Variants in THOC7 observed in about 807,000 individuals in gnomAD.
THOC7 encodes the protein THO complex subunit 7, also known as NIF3L1-binding protein 1.
A neutral mutation model predicts 33.1 loss-of-function variants in THOC7; 22 were observed. The observed-to-expected ratio is 0.66, with a 90% CI of 0.47 to 0.95. The LOEUF is 0.95. Among genes scored for constraint, THOC7 ranks in the 40% least tolerant of loss-of-function variants. The pLI, the probability that THOC7 is intolerant of heterozygous loss-of-function variation, is 0.00. For synonymous variants in THOC7, 77 were observed against 76.8 expected, an observed-to-expected ratio of 1.00 and a Z score of -0.01; for missense variants, 184 against 245.3, an observed-to-expected ratio of 0.75 and a Z score of 1.67.
chr3:63,854,497 T>C (rs1702075817), intron 1 of THOC7: 1 of 152,218 alleles, frequency 6.6e-6, no homozygotes, highest in South Asian at 2.1e-4. Flanking sequence ...GCTTAGCAGA[T>C]TTTTTGTTAT....
chr3:63,860,902 A>G (rs1480231149), intron 1 of THOC7: 2 of 152,204 alleles, frequency 1.3e-5, no homozygotes, highest in Non-Finnish European at 2.9e-5. Context: ...TAGGAAAGAA[A>G]AGAGGGGATT....
intron 1 of THOC7, among the ~76,000 whole-genome samples, chr3:63,850,193 C>G (rs897197617): frequency 6.6e-6 from 1 of 151,966 alleles, no homozygotes. Context: ...TTGGGACTGC[C>G]GGCTTTTATT....
At chr3:63,834,996 C>G (rs1046396515) in intron 7 of THOC7, among the ~76,000 whole-genome samples, 158 bp downstream of exon 7, 1 of 152,092 alleles carries the variant, frequency 6.6e-6, no homozygotes, top group Non-Finnish European at 1.5e-5. Flanking sequence ...TACATGTATT[C>G]AAGAAAGTTG....
chr3:63,838,214 T>C (rs1462612087), intron 3 of THOC7, 152 bp from the exon 4 acceptor site: 1 of 900,940 alleles, frequency 1.1e-6, no homozygotes. Context: ...TATATCATCT[T>C]AGAATACACA....
At chr3:63,844,598 G>A (rs1701846397) in intron 1 of THOC7, among the ~76,000 whole-genome samples, 1 of 152,212 alleles carries the variant, frequency 6.6e-6, no homozygotes, top group African/African-American at 2.4e-5. Context: ...CATTAGGACT[G>A]TGCCCTGATG....
intron 1 of THOC7, among the ~76,000 whole-genome samples, chr3:63,843,308 G>C (rs1449766364): frequency 6.6e-6 from 1 of 151,486 alleles, no homozygotes; most frequent in Non-Finnish European, 1.5e-5. Flanking sequence ...AGTAGAGATG[G>C]GGTTTAACCA....
rs1701574320 is a variant in THOC7 at position 63,834,063 on chromosome 3, C to T, written c.*69G>A. ...AACTTTAAATATCTCAAGAGCATAC[C>T]ACATTTTAAACACATTATGGTCATG... On this transcript the variant is annotated 3_prime_UTR_variant, in exon 8 of 8. Transcript: ENST00000295899. The T allele has an allele frequency of 4.0e-6, 6 of 1,500,908 alleles. No individual in the cohort carries two copies. The highest frequency in any genetic ancestry group is 1.8e-5 in the Admixed American group (1 of 54,788). 93.0% of individuals were successfully genotyped at this position (1,500,908 alleles called of 1,614,324 possible). A position where few individuals can be genotyped will look rare whatever the true frequency, so the allele number is the denominator to read the frequency against.
At chr3:63,838,273 GTTA>G (rs1701675311) in intron 3 of THOC7, 96 bp downstream of exon 3, 1 of 988,126 alleles carries the variant, frequency 1.0e-6, no homozygotes, top group South Asian at 1.8e-5. Flanking sequence ...TACAGTAATT[GTTA>G]TTATTCTTTT....
chr3:63,848,120 T>C (rs1701939928), intron 1 of THOC7, among the ~76,000 whole-genome samples: 2 of 152,226 alleles, frequency 1.3e-5, no homozygotes, highest in South Asian at 4.1e-4. Flanking sequence ...ATTTCTTTGA[T>C]GTATTTAAAA....
At chr3:63,836,774 C>T (rs189789991) in intron 4 of THOC7, among the ~76,000 whole-genome samples, 17 of 151,948 alleles carry the variant, frequency 1.1e-4, no homozygotes, top group Admixed American at 3.3e-4. Context: ...CAGCAAATTA[C>T]ACTTCTCACT....
intron 4 of THOC7, 101 bp from the exon 5 acceptor site, chr3:63,836,459 G>A: frequency 9.4e-7 from 1 of 1,064,418 alleles, no homozygotes; most frequent in African/African-American, 1.6e-5. Context: ...CACTTTCCTA[G>A]TACATCAAGA....
intron 1 of THOC7, among the ~76,000 whole-genome samples, chr3:63,846,901 T>C (rs1701909837): frequency 6.6e-6 from 1 of 152,096 alleles, no homozygotes; most frequent in African/African-American, 2.4e-5. Context: ...AAATTACAGT[T>C]TGAAAAGCCA....
At chr3:63,855,121 T>C (rs1051747593) in intron 1 of THOC7, among the ~76,000 whole-genome samples, 1 of 152,150 alleles carries the variant, frequency 6.6e-6, no homozygotes, top group African/African-American at 2.4e-5. Context: ...GGGCATGAGA[T>C]ACATATTTGC....
intron 1 of THOC7, among the ~76,000 whole-genome samples, chr3:63,847,352 GTTAA>G (rs1250903364): frequency 6.6e-6 from 1 of 152,168 alleles, no homozygotes; most frequent in Non-Finnish European, 1.5e-5. Context: ...GTTGTCCACA[GTTAA>G]TTGTTTTGGT....
At chr3:63,838,223 C>A in intron 3 of THOC7, 149 bp downstream of exon 3, 1 of 895,954 alleles carries the variant, frequency 1.1e-6, no homozygotes. Context: ...TTAGAATACA[C>A]ATTTTTTATA....
rs547656275 is a variant in THOC7, at chr3:63,860,467, C to T, written c.19+3305G>A. 3.3e-5 allele frequency among the ~76,000 whole-genome samples: 5 copies of T among 152,294 alleles called. No individual in the cohort carries two copies. In the South Asian group the frequency reaches 1.0e-3, roughly 32 times the overall value. ...CTGAAAAGAGGTTAAGGATATGACA[C>T]TGGCTTTCATTTATAAAGACCTCAA... On this transcript the variant is annotated intron_variant, in intron 1 of 7. Coordinates refer to ENST00000295899, the MANE Select transcript of THOC7 (RefSeq NM_025075.4).
In THOC7 at chr3:63,834,080, A is replaced by G. The variant is rs968072247; in HGVS notation, c.*52T>C. The G allele has an allele frequency of 3.8e-6, 6 of 1,573,872 alleles. No homozygotes were observed. The highest frequency in any genetic ancestry group is 3.4e-5 in the Admixed American group (2 of 59,360). ...GAGCATACCACATTTTAAACACATTATGGTCATGTAGCTATTTCAATATTC... is the reference window on the plus strand; with the variant it reads ...GAGCATACCACATTTTAAACACATTGTGGTCATGTAGCTATTTCAATATTC... On this transcript the variant is annotated 3_prime_UTR_variant, in exon 8 of 8. Transcript: ENST00000295899.
chr3:63,864,211 G>A (rs1488611980), upstream of THOC7, among the ~76,000 whole-genome samples: 1 of 149,968 alleles, frequency 6.7e-6, no homozygotes, highest in African/African-American at 2.4e-5. Context: ...GGAGCTGCGG[G>A]CCGCCCGCAG....
intron 1 of THOC7, among the ~76,000 whole-genome samples, chr3:63,840,448 G>T (rs1028090101): frequency 2.0e-5 from 3 of 152,026 alleles, no homozygotes; most frequent in Non-Finnish European, 4.4e-5. Context: ...AAATTAGCTG[G>T]GTGTGGTGGC....
Sources: allele counts gnomAD v4.1 joint callset (sites outside exome capture counted in the v4.1 genomes callset), GRCh38; gene constraint gnomAD v4.1.1; transcripts MANE v1.5; gene names NCBI Gene and HGNC (gene_info 2026-07-23, HGNC 2026-07-21).